DAPK1: variants seen among roughly 807,000 people sequenced by gnomAD.
DAPK1 encodes the protein death associated protein kinase 1, also known as death-associated protein kinase 1.
DAPK1 carries 56 observed loss-of-function variants against 144.9 expected under a neutral mutation model. The observed-to-expected ratio is 0.39, with a 90% CI of 0.31 to 0.48. The LOEUF (loss-of-function observed/expected upper bound fraction) is 0.48, where lower values mean the gene tolerates loss of function less well. Ranked by LOEUF, DAPK1 falls within the 20% of genes least tolerant of loss-of-function variation. The pLI is 0.95. For missense variants in DAPK1, 1,454 were observed against 1,875.4 expected, an observed-to-expected ratio of 0.78 and a Z score of 4.15; for synonymous variants, 690 against 749.0, an observed-to-expected ratio of 0.92 and a Z score of 1.29.
intron 2 of DAPK1, among the ~76,000 whole-genome samples, chr9:87,548,954 T>C (rs560384231): frequency 7.1e-6 from 1 of 141,234 alleles, no homozygotes; most frequent in East Asian, 2.1e-4. Flanking sequence ...TTTTAACTTT[T>C]AAGTTCAGGG....
chr9:87,539,157 A>G (rs1464979248), intron 2 of DAPK1, among the ~76,000 whole-genome samples: 1 of 151,702 alleles, frequency 6.6e-6, no homozygotes, highest in East Asian at 1.9e-4. Context: ...TTATATACGT[A>G]GACTTTATGA....
At chr9:87,541,666 A>C (rs17053100) in intron 2 of DAPK1, among the ~76,000 whole-genome samples, 3,481 of 152,312 alleles carry the variant, frequency 0.023, 134 homozygotes, top group African/African-American at 0.074. Context: ...ACCAATGGAG[A>C]AATGCAGAGG....
chr9:87,591,335 G>A (rs1035486106), intron 2 of DAPK1, among the ~76,000 whole-genome samples: 1 of 152,200 alleles, frequency 6.6e-6, no homozygotes, highest in Non-Finnish European at 1.5e-5. Flanking sequence ...AAAAGTAAAT[G>A]CATGTAGACT....
chr9:87,531,589 G>T (rs894405028), intron 2 of DAPK1, among the ~76,000 whole-genome samples: 2 of 152,108 alleles, frequency 1.3e-5, no homozygotes, highest in African/African-American at 2.4e-5. Context: ...GTAGAAAAAG[G>T]CAGAGGAGCT....
At chr9:87,590,369 C>CAAAAAAAAAAAAAAAAAAAA (rs200588801) in intron 2 of DAPK1, among the ~76,000 whole-genome samples, 1 of 85,742 alleles carries the variant, frequency 1.2e-5, no homozygotes, top group African/African-American at 4.0e-5. Flanking sequence ...TCATTGGCCT[C>CAAAAAAAAAAAAAAAAAAAA]AAAAAAAAAA....
chr9:87,707,381 G>T lies in DAPK1; in HGVS notation c.*17G>T. ...TCCCGGTGAGGGCAGCCTCTGGCTT[G>T]GGCAGGGTCTGTTTGGACTGCAGAA... On this transcript the variant is annotated 3_prime_UTR_variant, in exon 26 of 26. Transcript: ENST00000408954. This position sits in a 1 kb window ranked among gnomAD's most constrained non-coding sequence, Gnocchi z 4.0. 1 of 1,562,502 alleles carries T rather than the reference G, an allele frequency of 6.4e-7. No homozygotes were observed. Among genetic ancestry groups the T allele is most frequent in the South Asian group, 1.2e-5 (1 of 84,342 alleles).
rs1230977913 is a variant in DAPK1, at chr9:87,583,742, C to T, written c.63-21212C>T. On this transcript the variant is annotated intron_variant, in intron 2 of 25. Coordinates refer to ENST00000408954, the MANE Select transcript of DAPK1 (RefSeq NM_004938.4). Reference sequence around the variant, plus strand: ...ACCCAAACCTTCATTTCCAGGCAGCCATACTCACAGCACCTCCTTGCCACT... The same window carrying T: ...ACCCAAACCTTCATTTCCAGGCAGCTATACTCACAGCACCTCCTTGCCACT... Among the ~76,000 whole-genome samples the T allele has an allele frequency of 7.2e-5, 11 of 152,202 alleles. No homozygotes were observed. In the South Asian group the frequency reaches 2.1e-3, roughly 29 times the overall value.
chr9:87,647,547 G>A (rs1049243539), intron 14 of DAPK1, 144 bp downstream of exon 14: 11 of 715,432 alleles, frequency 1.5e-5, no homozygotes, highest in Non-Finnish European at 2.7e-5. Flanking sequence ...AGTTGGAAAT[G>A]TCTTGTTGCC....
At chr9:87,653,561 CAG>C (rs1342884068) in intron 17 of DAPK1, among the ~76,000 whole-genome samples, 1 of 152,074 alleles carries the variant, frequency 6.6e-6, no homozygotes, top group African/African-American at 2.4e-5. Flanking sequence ...GTAGAGGAAT[CAG>C]AGAAGCATGG....
At chr9:87,649,746 A>C (rs1411919409) in intron 15 of DAPK1, among the ~76,000 whole-genome samples, 175 bp from the exon 16 acceptor site, 2 of 152,244 alleles carry the variant, frequency 1.3e-5, no homozygotes, top group African/African-American at 4.8e-5. Context: ...CTGGTGGCTC[A>C]CACTCATGTT....
At chr9:87,687,801 TCTG>T in intron 21 of DAPK1, among the ~76,000 whole-genome samples, 1 of 96,766 alleles carries the variant, frequency 1.0e-5, no homozygotes, top group East Asian at 7.3e-4. Flanking sequence ...ATTGCCAGCT[TCTG>T]CTATTTTTTT....
chr9:87,516,687 A>G (rs750138266), intron 2 of DAPK1, among the ~76,000 whole-genome samples: 4 of 152,066 alleles, frequency 2.6e-5, no homozygotes, highest in Non-Finnish European at 4.4e-5. Context: ...GGCAGCCCAC[A>G]TGGCTTAATT....
intron 2 of DAPK1, among the ~76,000 whole-genome samples, chr9:87,544,177 A>G (rs991221518): frequency 6.6e-6 from 1 of 152,190 alleles, no homozygotes; most frequent in African/African-American, 2.4e-5. Flanking sequence ...CATGAGTTTT[A>G]GTTAATAAGT....
chr9:87,678,907 A>G (rs969249167), intron 19 of DAPK1, among the ~76,000 whole-genome samples: 1 of 152,078 alleles, frequency 6.6e-6, no homozygotes, highest in African/African-American at 2.4e-5. Flanking sequence ...TGGCTTAGGA[A>G]TTGCAAATGG....
chr9:87,645,890 T>C lies in DAPK1; in HGVS notation c.1012-5T>C, dbSNP rs1434155813. 6.2e-7 allele frequency: 1 copy of C among 1,613,820 alleles called. No individual in the cohort carries two copies. Among genetic ancestry groups the C allele is most frequent in the South Asian group, 1.1e-5 (1 of 91,046 alleles). Reference sequence around the variant, plus strand: ...TCTGTTTCCATCTTGGCTGTCTCTCTCAAGGATGAGGAAGACTCCTTTGTG... The same window carrying C: ...TCTGTTTCCATCTTGGCTGTCTCTCCCAAGGATGAGGAAGACTCCTTTGTG... On this transcript the variant is annotated splice_polypyrimidine_tract_variant and splice_region_variant and intron_variant, in intron 11 of 25. Transcript: ENST00000408954.
At chr9:87,515,469 C>A (rs959468001) in intron 2 of DAPK1, among the ~76,000 whole-genome samples, 1 of 152,068 alleles carries the variant, frequency 6.6e-6, no homozygotes, top group Non-Finnish European at 1.5e-5. Context: ...GGCTCTGAAG[C>A]CCATGAAAAC....
intron 2 of DAPK1, among the ~76,000 whole-genome samples, chr9:87,561,048 G>A (rs191863735): frequency 6.6e-6 from 1 of 152,188 alleles, no homozygotes; most frequent in Non-Finnish European, 1.5e-5. Context: ...ATCCATCAGT[G>A]GACATTTGAG....
intron 2 of DAPK1, among the ~76,000 whole-genome samples, chr9:87,534,941 G>A (rs1298506922): frequency 6.6e-6 from 1 of 152,068 alleles, no homozygotes; most frequent in Non-Finnish European, 1.5e-5. Flanking sequence ...CACCCCGTCC[G>A]ATTCTTGATT....
chr9:87,578,009 T>C (rs1321999350), intron 2 of DAPK1, among the ~76,000 whole-genome samples: 2 of 152,116 alleles, frequency 1.3e-5, no homozygotes, highest in African/African-American at 2.4e-5. Flanking sequence ...CCACAGGCCA[T>C]AGAACATTTC....
Sources: gnomAD v4.1 joint callset for allele counts (sites outside exome capture counted in the v4.1 genomes callset) on GRCh38, gnomAD v4.1.1 for gene constraint, Gnocchi (gnomAD v3.1) non-coding constraint, MANE v1.5 for transcripts, NCBI Gene and HGNC (gene_info 2026-07-23, HGNC 2026-07-21) for gene names.